The following RAPGEF4 variants were observed in gnomAD, a reference collection of about 807,000 sequenced individuals.
RAPGEF4 encodes RAP guanine-nucleotide-exchange factor (GEF) 4.
Under a neutral mutation model 147.9 loss-of-function variants are expected in RAPGEF4, and 66 were observed. That is an observed-to-expected ratio of 0.45 (90% CI 0.37 to 0.55). The LOEUF is 0.55. Among genes scored for constraint, RAPGEF4 ranks in the 20% least tolerant of loss-of-function variants. RAPGEF4 has a pLI of 0.00. For synonymous variants in RAPGEF4, 419 were observed against 442.7 expected (o/e 0.95, Z 0.67); for missense variants, 1,071 against 1,257.3 (o/e 0.85, Z 2.24).
At chr2:172,763,455 G>A (rs976389332) in intron 1 of RAPGEF4, among the ~76,000 whole-genome samples, 1 of 152,150 alleles carries the variant, frequency 6.6e-6, no homozygotes, top group Non-Finnish European at 1.5e-5. Context: ...TGAGAAATCA[G>A]ATCAGACTTT....
rs1026719818 is a variant in RAPGEF4 at position 173,042,870 on chromosome 2, C to T, written c.2854-5730C>T. 6.6e-6 allele frequency among the ~76,000 whole-genome samples: 1 copy of T among 152,168 alleles called. No homozygotes were observed. Among genetic ancestry groups the T allele is most frequent in the Non-Finnish European group, 1.5e-5 (1 of 68,022 alleles). On this transcript the variant is annotated intron_variant, in intron 29 of 30. Coordinates refer to ENST00000397081, the MANE Select transcript of RAPGEF4 (RefSeq NM_007023.4). This position sits in a 1 kb window ranked among gnomAD's most constrained non-coding sequence, Gnocchi z 4.2. Reference sequence around the variant, plus strand: ...CTTCTCCCATGGTCATCATATATACCACATACCGTAAGCATCATGCATGTG... The same window carrying T: ...CTTCTCCCATGGTCATCATATATACTACATACCGTAAGCATCATGCATGTG...
At chr2:172,889,004 C>A (rs1167886353) in intron 4 of RAPGEF4, among the ~76,000 whole-genome samples, 1 of 152,012 alleles carries the variant, frequency 6.6e-6, no homozygotes, top group Admixed American at 6.6e-5. Flanking sequence ...ACCTCTTCAC[C>A]GAGGGAAAGA....
intron 4 of RAPGEF4, among the ~76,000 whole-genome samples, chr2:172,891,430 G>T (rs144548107): frequency 3.6e-3 from 554 of 152,228 alleles, no homozygotes; most frequent in Non-Finnish European, 6.2e-3. Context: ...CTTTTAAAAA[G>T]ACATTTTCTA....
chr2:172,784,907 C>T (rs1420732104), intron 1 of RAPGEF4, among the ~76,000 whole-genome samples: 1 of 151,784 alleles, frequency 6.6e-6, no homozygotes, highest in African/African-American at 2.4e-5. Flanking sequence ...CTCACCACAA[C>T]CTCCACCTCC....
intron 1 of RAPGEF4, among the ~76,000 whole-genome samples, chr2:172,786,374 G>T (rs1279513741): frequency 1.3e-5 from 2 of 152,104 alleles, no homozygotes; most frequent in African/African-American, 2.4e-5. Flanking sequence ...GCTCCTCGTG[G>T]ATACTGTTGG....
chr2:172,810,193 C>T (rs1317701195), intron 3 of RAPGEF4, among the ~76,000 whole-genome samples: 3 of 152,182 alleles, frequency 2.0e-5, no homozygotes, highest in Non-Finnish European at 4.4e-5. Context: ...TACTAGCCAT[C>T]GTCTTGGGCA....
intron 1 of RAPGEF4, among the ~76,000 whole-genome samples, chr2:172,739,668 GC>G (rs1279790665): frequency 1.3e-5 from 2 of 152,118 alleles, no homozygotes; most frequent in Non-Finnish European, 2.9e-5. Context: ...ACCACACCCG[GC>G]CCATTGTTTA....
chr2:172,787,040 T>C (rs1164291697), intron 1 of RAPGEF4, among the ~76,000 whole-genome samples: 1 of 152,042 alleles, frequency 6.6e-6, no homozygotes, highest in Non-Finnish European at 1.5e-5. Context: ...TGAAACCCCA[T>C]CTCTACTAAA....
chr2:172,773,309 G>C (rs1363554117), intron 1 of RAPGEF4, among the ~76,000 whole-genome samples: 1 of 152,172 alleles, frequency 6.6e-6, no homozygotes, highest in Non-Finnish European at 1.5e-5. Context: ...CAATAAAAAT[G>C]ATCTGGCATC....
chr2:173,027,211 T>C lies in RAPGEF4; in HGVS notation c.2510T>C (p.Leu837Pro), dbSNP rs745903740. The change falls in exon 25 of 31, where the codon CTC (leucine) becomes CCC (proline). Residue 837 changes from leucine to proline, a missense_variant. Transcript: ENST00000397081. ...VVTEICLCSQ[L>P]SKRVQLLKKF... ...ACTGAGATCTGCCTTTGTTCTCAGC[T>C]CAGCAAGCGTGTTCAGCTATTAAAA... The C allele has an allele frequency of 1.4e-5, 22 of 1,611,026 alleles. No homozygotes were observed. Among genetic ancestry groups the C allele is most frequent in the East Asian group, 8.9e-5 (4 of 44,818 alleles).
intron 4 of RAPGEF4, among the ~76,000 whole-genome samples, chr2:172,856,545 A>T (rs1693433778): frequency 6.6e-6 from 1 of 152,214 alleles, no homozygotes. Flanking sequence ...ATACTGTCAT[A>T]TGCCTTTAAA....
chr2:172,858,625 G>A (rs1693700959), intron 4 of RAPGEF4, among the ~76,000 whole-genome samples: 1 of 152,214 alleles, frequency 6.6e-6, no homozygotes, highest in Non-Finnish European at 1.5e-5. Context: ...AAGAGTAATG[G>A]GAAGCTATGC....
At chr2:173,007,825 A>T (rs554863675) in intron 17 of RAPGEF4, among the ~76,000 whole-genome samples, 1 of 152,342 alleles carries the variant, frequency 6.6e-6, no homozygotes, top group African/African-American at 2.4e-5. Flanking sequence ...AGAAGCCCAG[A>T]TTATAGTAAA....
chr2:172,866,434 C>T (rs1694657102), intron 4 of RAPGEF4, among the ~76,000 whole-genome samples: 1 of 152,116 alleles, frequency 6.6e-6, no homozygotes, highest in Admixed American at 6.5e-5. Flanking sequence ...TTTTAGTGCT[C>T]TCCTATTCCT....
intron 1 of RAPGEF4, among the ~76,000 whole-genome samples, chr2:172,770,334 G>T (rs921222440): frequency 6.6e-6 from 1 of 152,246 alleles, no homozygotes; most frequent in South Asian, 2.1e-4. Context: ...TCCAGGCTGG[G>T]CTACCCCACT....
intron 4 of RAPGEF4, among the ~76,000 whole-genome samples, chr2:172,861,327 T>C (rs1403053882): frequency 6.6e-6 from 1 of 152,266 alleles, no homozygotes; most frequent in Non-Finnish European, 1.5e-5. Flanking sequence ...AGGGTGTAAC[T>C]GAATGAAATT....
intron 4 of RAPGEF4, among the ~76,000 whole-genome samples, chr2:172,817,903 T>TTATA (rs199874683): frequency 2.1e-5 from 3 of 144,544 alleles, no homozygotes; most frequent in African/African-American, 7.6e-5. Flanking sequence ...TATATCACAA[T>TTATA]TATATATATA....
At position 172,909,951 on chromosome 2, in the gene RAPGEF4, C is replaced by T. The variant is rs140191795; in HGVS notation, c.445-7851C>T. On this transcript the variant is annotated intron_variant, in intron 4 of 30. Coordinates refer to ENST00000397081, the MANE Select transcript of RAPGEF4 (RefSeq NM_007023.4). Reference sequence around the variant, plus strand: ...TTACAGCGGAAGGGAATTACCCCACCGCTGCATGGGATAATCAAAGAGAGA... The same window carrying T: ...TTACAGCGGAAGGGAATTACCCCACTGCTGCATGGGATAATCAAAGAGAGA... 2.1e-3 allele frequency among the ~76,000 whole-genome samples: 325 copies of T among 152,278 alleles called. 5 individuals are homozygous for T. The highest frequency in any genetic ancestry group is 0.018 in the Admixed American group (274 of 15,308).
chr2:172,787,024 A>G (rs1263379150), intron 1 of RAPGEF4, among the ~76,000 whole-genome samples: 1 of 152,170 alleles, frequency 6.6e-6, no homozygotes, highest in Non-Finnish European at 1.5e-5. Flanking sequence ...AGCCTGGCCA[A>G]CGTGGTGAAA....
Sources: gnomAD v4.1 joint callset for allele counts (sites outside exome capture counted in the v4.1 genomes callset) on GRCh38, gnomAD v4.1.1 for gene constraint, Gnocchi (gnomAD v3.1) non-coding constraint, MANE v1.5 for transcripts, NCBI Gene and HGNC (gene_info 2026-07-23, HGNC 2026-07-21) for gene names.